The following PRELID2 variants were observed in gnomAD, a reference collection of about 807,000 sequenced individuals.
PRELID2 encodes the protein PRELI domain-containing protein 2.
A neutral mutation model predicts 28.4 loss-of-function variants in PRELID2; 25 were observed. The ratio of observed to expected loss-of-function variants is 0.88; its 90% confidence interval spans 0.64 to 1.23. PRELID2 has a LOEUF of 1.23. Ranked by LOEUF, PRELID2 falls within the 50% of genes most tolerant of loss-of-function variation. The probability of loss-of-function intolerance (pLI) is 0.00; values close to 1 mark genes in which losing one functional copy is unlikely to be tolerated. For missense variants in PRELID2, 201 were observed against 214.4 expected (o/e 0.94, Z 0.39); for synonymous variants, 76 against 71.6 (o/e 1.06, Z -0.31).
the PRELID2 span, among the ~76,000 whole-genome samples, chr5:145,271,383 C>T: frequency 6.6e-6 from 1 of 151,962 alleles, no homozygotes; most frequent in Non-Finnish European, 1.5e-5. Flanking sequence ...TATTACCATG[C>T]TGGGAAAAAC....
intron 1 of PRELID2, among the ~76,000 whole-genome samples, chr5:145,738,210 A>G (rs1169545525): frequency 6.6e-6 from 1 of 152,194 alleles, no homozygotes; most frequent in African/African-American, 2.4e-5. Context: ...CAGCTGGAGT[A>G]ATGTCACAAT....
chr5:145,407,243 C>G, the PRELID2 span, among the ~76,000 whole-genome samples: 100,320 of 152,030 alleles, frequency 0.66, 33,639 homozygotes, highest in Non-Finnish European at 0.71. Flanking sequence ...TGCATCAGCT[C>G]TCTGGATATA....
At chr5:145,290,818 A>AT in the PRELID2 span, among the ~76,000 whole-genome samples, 18,439 of 147,220 alleles carry the variant, frequency 0.13, 2,054 homozygotes, top group African/African-American at 0.31. Flanking sequence ...GTGTTTTGTA[A>AT]TTTTTTTTTT....
At chr5:145,578,286 C>T (rs1052152839) in intron 1 of PRELID2, among the ~76,000 whole-genome samples, 7 of 152,120 alleles carry the variant, frequency 4.6e-5, no homozygotes, top group African/African-American at 1.7e-4. Context: ...TCCTACAAAA[C>T]ACATGTGCTC....
the PRELID2 span, among the ~76,000 whole-genome samples, chr5:145,358,034 A>T: frequency 1.3e-5 from 2 of 151,600 alleles, no homozygotes; most frequent in Non-Finnish European, 2.9e-5. Flanking sequence ...GCCCTCTCTG[A>T]TTACTGTCTC....
At chr5:145,343,136 A>T in the PRELID2 span, among the ~76,000 whole-genome samples, 22 of 152,082 alleles carry the variant, frequency 1.4e-4, no homozygotes, top group Admixed American at 7.2e-4. Flanking sequence ...ATTAACAAAG[A>T]AACATTGGAA....
intron 1 of PRELID2, among the ~76,000 whole-genome samples, chr5:145,691,109 C>T (rs1342273206): frequency 1.3e-5 from 2 of 152,170 alleles, no homozygotes; most frequent in African/African-American, 2.4e-5. Flanking sequence ...TCTCTTTTGC[C>T]TATAACTGTT....
At chr5:145,653,964 G>C (rs914548476) in intron 1 of PRELID2, among the ~76,000 whole-genome samples, 1 of 151,904 alleles carries the variant, frequency 6.6e-6, no homozygotes, top group Non-Finnish European at 1.5e-5. Flanking sequence ...CCAGGAGCTG[G>C]TTTTTTTAAA....
intron 1 of PRELID2, among the ~76,000 whole-genome samples, chr5:145,723,349 A>G (rs1756043613): frequency 6.6e-6 from 1 of 152,180 alleles, no homozygotes; most frequent in African/African-American, 2.4e-5. Context: ...CAAATATCCT[A>G]TTGGGTGCAC....
intron 1 of PRELID2, among the ~76,000 whole-genome samples, chr5:145,660,969 T>A (rs1339798802): frequency 6.6e-6 from 1 of 152,236 alleles, no homozygotes; most frequent in East Asian, 1.9e-4. Context: ...GAAGTATATA[T>A]GTTCAATTGA....
At chr5:145,751,355 A>G (rs191002019), downstream of PRELID2, among the ~76,000 whole-genome samples, 1 of 152,332 alleles carries the variant, frequency 6.6e-6, no homozygotes, top group African/African-American at 2.4e-5. Context: ...GGCCTCAATC[A>G]CGGCTTCTCT....
the PRELID2 span, among the ~76,000 whole-genome samples, chr5:145,424,938 A>T: frequency 4.6e-5 from 7 of 152,230 alleles, no homozygotes; most frequent in Non-Finnish European, 8.8e-5. Flanking sequence ...ATTAAACTAA[A>T]GACCTTCTGC....
At chr5:145,583,135 A>G (rs1457632248) in intron 1 of PRELID2, among the ~76,000 whole-genome samples, 2 of 152,200 alleles carry the variant, frequency 1.3e-5, no homozygotes. Context: ...GGTTGCTTCA[A>G]CATATATAAA....
the PRELID2 span, among the ~76,000 whole-genome samples, chr5:145,291,816 G>T: frequency 6.6e-6 from 1 of 151,744 alleles, no homozygotes; most frequent in Non-Finnish European, 1.5e-5. Flanking sequence ...GTATAAATTC[G>T]GTGTCTTGGA....
intron 1 of PRELID2, among the ~76,000 whole-genome samples, chr5:145,527,084 T>C (rs922739920): frequency 6.6e-6 from 1 of 152,198 alleles, no homozygotes; most frequent in African/African-American, 2.4e-5. Flanking sequence ...AACATATAAG[T>C]TGTTTGCCTT....
chr5:145,340,156 C>T, the PRELID2 span, among the ~76,000 whole-genome samples: 2 of 152,134 alleles, frequency 1.3e-5, no homozygotes, highest in Admixed American at 1.3e-4. Flanking sequence ...AATACTCGAG[C>T]ATCCAACCCA....
At chr5:145,807,215 G>A (rs890057289) in intron 4 of PRELID2, among the ~76,000 whole-genome samples, 8 of 151,972 alleles carry the variant, frequency 5.3e-5, no homozygotes, top group Non-Finnish European at 7.4e-5. Flanking sequence ...TAATATATGC[G>A]GTCTGCCATA....
chr5:145,321,562 C>T, the PRELID2 span, among the ~76,000 whole-genome samples: 1 of 152,188 alleles, frequency 6.6e-6, no homozygotes, highest in Non-Finnish European at 1.5e-5. Context: ...GGCAGACGCC[C>T]CTTAAAAATG....
intron 1 of PRELID2, among the ~76,000 whole-genome samples, chr5:145,677,152 G>GTTTT (rs756255750): frequency 8.9e-5 from 11 of 124,038 alleles, no homozygotes; most frequent in East Asian, 2.3e-4. Context: ...TTTGGTTTTG[G>GTTTT]TTTTTTTTTT....
Sources: gnomAD v4.1 joint callset for allele counts (sites outside exome capture counted in the v4.1 genomes callset) on GRCh38, gnomAD v4.1.1 for gene constraint, MANE v1.5 for transcripts, NCBI Gene and HGNC (gene_info 2026-07-23, HGNC 2026-07-21) for gene names.